The following TRAM1 variants were observed in gnomAD, a reference collection of about 807,000 sequenced individuals.
The protein encoded by TRAM1 is translocation associated membrane protein 1, also known as translocating chain-associated membrane protein 1.
TRAM1 carries 17 observed loss-of-function variants against 48.7 expected under a neutral mutation model. The observed-to-expected ratio is 0.35, with a 90% CI of 0.24 to 0.52. The LOEUF (loss-of-function observed/expected upper bound fraction) is 0.52, where lower values mean the gene tolerates loss of function less well. TRAM1 is among the 20% of genes least tolerant of loss of function. The pLI is 0.94. For synonymous variants in TRAM1, 182 were observed against 154.0 expected, an observed-to-expected ratio of 1.18 and a Z score of -1.34; for missense variants, 351 against 441.5, an observed-to-expected ratio of 0.79 and a Z score of 1.84.
rs556868310 is a variant in TRAM1, at chr8:70,578,511, T to C, written c.1052-3506A>G. Among the ~76,000 whole-genome samples, 6 of 152,328 alleles carry C rather than the reference T, an allele frequency of 3.9e-5. No individual in the cohort carries two copies. The South Asian group carries it at 1.2e-3, about 32-fold the overall frequency. On this transcript the variant is annotated intron_variant, in intron 10 of 10. Transcript: ENST00000262213. ...GTAGTGGCATGGTGACATGTGCTTGTAGCCCCAGCTACTCAGGAGGCTGAG... is the reference window on the plus strand; with the variant it reads ...GTAGTGGCATGGTGACATGTGCTTGCAGCCCCAGCTACTCAGGAGGCTGAG...
rs1484787987 is a variant in TRAM1, at chr8:70,573,324, A to G, written c.*1608T>C. 6.6e-6 allele frequency: 1 copy of G among 152,348 alleles called. No homozygotes were observed. Among genetic ancestry groups the G allele is most frequent in the African/African-American group, 2.4e-5 (1 of 41,442 alleles). 9.4% of individuals were successfully genotyped at this position (152,348 alleles called of 1,614,324 possible). On this transcript the variant is annotated 3_prime_UTR_variant, in exon 11 of 11. Transcript: ENST00000262213. ...CAAATCTGTTTATTTGCAGAACACA[A>G]TTTTGAAAAGGGTTATTCTGAATGT...
At chr8:70,585,483 C>T (rs1012849709) in intron 8 of TRAM1, among the ~76,000 whole-genome samples, 13 of 151,072 alleles carry the variant, frequency 8.6e-5, no homozygotes, top group African/African-American at 3.2e-4. Flanking sequence ...TCAGAGTGAA[C>T]AGGCAACCTA....
intron 1 of TRAM1, among the ~76,000 whole-genome samples, chr8:70,603,303 TAC>T (rs35864770): frequency 0.05 from 7,488 of 150,008 alleles, 308 homozygotes; most frequent in African/African-American, 0.12. Context: ...ATATGTTTTA[TAC>T]ACACACACAC....
chr8:70,607,954 G>T, intron 1 of TRAM1, 123 bp downstream of exon 1: 1 of 1,281,126 alleles, frequency 7.8e-7, no homozygotes. Context: ...GGGACTGGGG[G>T]TCTGCACCCA....
intron 6 of TRAM1, among the ~76,000 whole-genome samples, chr8:70,591,595 A>AT (rs1349039183): frequency 1.3e-5 from 2 of 152,186 alleles, no homozygotes; most frequent in East Asian, 3.9e-4. Flanking sequence ...AAAATATAAC[A>AT]TACTTCAAAA....
chr8:70,582,763 A>T (rs1250132575), intron 10 of TRAM1, among the ~76,000 whole-genome samples: 1 of 145,938 alleles, frequency 6.9e-6, no homozygotes, highest in Non-Finnish European at 1.5e-5. Flanking sequence ...CAGAAGTTAT[A>T]AAAAAAAAGC....
intron 6 of TRAM1, among the ~76,000 whole-genome samples, chr8:70,590,754 T>C (rs938495571): frequency 9.9e-5 from 15 of 152,254 alleles, no homozygotes; most frequent in Admixed American, 7.8e-4. Flanking sequence ...CAAATGCCTA[T>C]GCAAAAGTTT....
chr8:70,578,112 G>A (rs1458079957), intron 10 of TRAM1, among the ~76,000 whole-genome samples: 3 of 152,208 alleles, frequency 2.0e-5, no homozygotes, highest in East Asian at 1.9e-4. Flanking sequence ...TGGGTGGAAT[G>A]AGCCCAGCGG....
In TRAM1 at chr8:70,583,098, T is replaced by C. The variant is rs971294817; in HGVS notation, c.1051+66A>G. The C allele has an allele frequency of 2.8e-5, 43 of 1,533,836 alleles. No homozygotes were observed. The East Asian group carries it at 8.6e-4, about 31-fold the overall frequency. On this transcript the variant is annotated intron_variant, in intron 10 of 10. Transcript: ENST00000262213. ...GACACCTTAAAACTAATAAATAAGA[T>C]CCAACAACAAATTTTTTAAAAGTTT... is the stretch of plus-strand genomic sequence containing the variant.
intron 6 of TRAM1, among the ~76,000 whole-genome samples, chr8:70,588,211 T>C (rs924904339): frequency 2.4e-4 from 36 of 152,122 alleles, no homozygotes; most frequent in African/African-American, 8.5e-4. Context: ...AGCAAGACTC[T>C]GTCTTTTAAA....
intron 9 of TRAM1, 36 bp downstream of exon 9, chr8:70,583,614 C>G (rs746788473): frequency 6.3e-7 from 1 of 1,595,548 alleles, no homozygotes; most frequent in East Asian, 2.2e-5. Context: ...TATTATCTAG[C>G]TGTATAAAGT....
intron 1 of TRAM1, among the ~76,000 whole-genome samples, chr8:70,605,955 T>C (rs1316255425): frequency 1.3e-5 from 2 of 152,220 alleles, no homozygotes; most frequent in Non-Finnish European, 2.9e-5. Context: ...ATCAAAGTTA[T>C]ACTATGTGTC....
chr8:70,605,483 T>C (rs992595834), intron 1 of TRAM1, among the ~76,000 whole-genome samples: 2 of 152,208 alleles, frequency 1.3e-5, no homozygotes, highest in Non-Finnish European at 2.9e-5. Context: ...AATGTCACCA[T>C]AAATCCTCTG....
In TRAM1 at chr8:70,580,387, C is replaced by T. The variant is rs574989732; in HGVS notation, c.1051+2777G>A. On this transcript the variant is annotated intron_variant, in intron 10 of 10. Transcript: ENST00000262213. The stretch of plus-strand genomic sequence containing the variant: ...AGTGAAATTTATCCCAGGAATGCAA[C>T]GTTGGTTTAACATCTGAAAATCAAT... Among the ~76,000 whole-genome samples the T allele has an allele frequency of 5.9e-5, 9 of 152,222 alleles. No homozygotes were observed. In the East Asian group the frequency reaches 1.7e-3, roughly 29 times the overall value.
chr8:70,591,910 G>A (rs1347664745), intron 6 of TRAM1, among the ~76,000 whole-genome samples: 1 of 152,102 alleles, frequency 6.6e-6, no homozygotes. Context: ...TGGAAAAAAT[G>A]TCATCAGATT....
rs762371771 is a variant in TRAM1 at position 70,586,926 on chromosome 8, A to T, written c.715T>A (p.Phe239Ile). The change falls in exon 8 of 11, where the codon TTT (phenylalanine) becomes ATT (isoleucine). Residue 239 changes from phenylalanine (F) to isoleucine (I), a missense_variant. Coordinates refer to ENST00000262213, the MANE Select transcript of TRAM1 (RefSeq NM_014294.6). ...TGATACTTTTCATTGCTAAAATAAAACAGGCGGGAAATGTGGAAAAGAAAT... is the reference window on the plus strand; with the variant it reads ...TGATACTTTTCATTGCTAAAATAAATCAGGCGGGAAATGTGGAAAAGAAAT... Reference protein sequence around the residue: ...VEFLFHISRLFYFSNEKYQKG... With the variant: ...VEFLFHISRLIYFSNEKYQKG... 4 of 1,613,884 alleles carry T rather than the reference A, an allele frequency of 2.5e-6. No homozygotes were observed. Among genetic ancestry groups the T allele is most frequent in the Non-Finnish European group, 3.4e-6 (4 of 1,179,882 alleles).
intron 6 of TRAM1, among the ~76,000 whole-genome samples, chr8:70,591,004 TAATA>T (rs1563385840): frequency 2.1e-5 from 3 of 140,826 alleles, no homozygotes; most frequent in Non-Finnish European, 1.5e-5. Flanking sequence ...ACAACAATAA[TAATA>T]AAAAAAAAAA....
intron 10 of TRAM1, among the ~76,000 whole-genome samples, chr8:70,578,992 A>G (rs1447368765): frequency 6.6e-6 from 1 of 152,262 alleles, no homozygotes; most frequent in Non-Finnish European, 1.5e-5. Context: ...AGAGAAAAAT[A>G]CCACATTCAA....
chr8:70,574,283 A>G lies in TRAM1; in HGVS notation c.*649T>C. On this transcript the variant is annotated 3_prime_UTR_variant, in exon 11 of 11. Coordinates refer to ENST00000262213, the MANE Select transcript of TRAM1 (RefSeq NM_014294.6). The stretch of plus-strand genomic sequence containing the variant: ...ATTTTACTTCACAAGTACTTTTAAG[A>G]ATATACTTTGATTTAATATGTATGT... 2.5e-6 allele frequency: 1 copy of G among 400,200 alleles called. No individual in the cohort carries two copies. The highest frequency in any genetic ancestry group is 1.9e-5 in the South Asian group (1 of 53,810). 24.8% of individuals were successfully genotyped at this position (400,200 alleles called of 1,614,324 possible).
Sources: allele counts gnomAD v4.1 joint callset (sites outside exome capture counted in the v4.1 genomes callset), GRCh38; gene constraint gnomAD v4.1.1; transcripts MANE v1.5; gene names NCBI Gene and HGNC (gene_info 2026-07-23, HGNC 2026-07-21).